PCDH15: variants seen among roughly 807,000 people sequenced by gnomAD.
The protein encoded by PCDH15 is protocadherin-15.
PCDH15 carries 129 observed loss-of-function variants against 178.5 expected under a neutral mutation model. The ratio of observed to expected loss-of-function variants is 0.72; its 90% confidence interval spans 0.63 to 0.84. The LOEUF (loss-of-function observed/expected upper bound fraction) is 0.84, where lower values mean the gene tolerates loss of function less well. Among genes scored for constraint, PCDH15 ranks in the 40% least tolerant of loss-of-function variants. PCDH15 has a pLI of 0.00. For missense variants in PCDH15, 2,230 were observed against 2,099.9 expected (o/e 1.06, Z -1.21); for synonymous variants, 800 against 732.0 (o/e 1.09, Z -1.50).
chr10:53,915,150 A>G (rs558369455), intron 25 of PCDH15, among the ~76,000 whole-genome samples: 1 of 152,322 alleles, frequency 6.6e-6, no homozygotes, highest in East Asian at 1.9e-4. Context: ...TAAGTTATTC[A>G]CTAAAAATAT....
intron 2 of PCDH15, among the ~76,000 whole-genome samples, chr10:54,534,923 T>C (rs1427956887): frequency 6.6e-6 from 1 of 152,144 alleles, no homozygotes; most frequent in East Asian, 1.9e-4. Context: ...ATTTATAAAA[T>C]CAATGGAACA....
chr10:55,019,129 C>T (rs767602698), intron 2 of PCDH15, among the ~76,000 whole-genome samples: 32 of 152,148 alleles, frequency 2.1e-4, no homozygotes, highest in Non-Finnish European at 3.8e-4. Flanking sequence ...ATCACTGACA[C>T]GAAGTCATGA....
chr10:54,193,606 T>C lies in PCDH15; in HGVS notation c.1305+2077A>G, dbSNP rs1199248565. ...TAGGTGTTTTCTAGTGGGGATTCAG[T>C]AGAGACTTTTTTCCTGTGACTCATG... On this transcript the variant is annotated intron_variant, in intron 11 of 37. Transcript: ENST00000644397. Among the ~76,000 whole-genome samples, 4 of 152,206 alleles carry C rather than the reference T, an allele frequency of 2.6e-5. No individual in the cohort carries two copies. In the East Asian group the frequency reaches 5.8e-4, roughly 22 times the overall value.
chr10:54,205,906 C>T (rs2050746276), intron 10 of PCDH15, among the ~76,000 whole-genome samples: 1 of 151,914 alleles, frequency 6.6e-6, no homozygotes, highest in Non-Finnish European at 1.5e-5. Flanking sequence ...GTTTGCAAGG[C>T]TATACAGCAA....
chr10:54,852,129 G>A (rs1281040677), intron 3 of PCDH15, among the ~76,000 whole-genome samples: 1 of 152,052 alleles, frequency 6.6e-6, no homozygotes, highest in East Asian at 1.9e-4. Flanking sequence ...GAGCATCCAA[G>A]GTCTGCAGAC....
intron 5 of PCDH15, among the ~76,000 whole-genome samples, chr10:54,367,014 A>G (rs1946913873): frequency 1.3e-5 from 2 of 152,128 alleles, no homozygotes; most frequent in South Asian, 4.1e-4. Context: ...GTTTGAAGAA[A>G]TTGAAGATCA....
At chr10:55,364,721 A>G (rs1390902614) in intron 2 of PCDH15, among the ~76,000 whole-genome samples, 2 of 151,946 alleles carry the variant, frequency 1.3e-5, no homozygotes, top group Non-Finnish European at 2.9e-5. Context: ...AGACCTTTTG[A>G]TATTGTCCTC....
chr10:55,029,389 ATG>A (rs1840555080), intron 2 of PCDH15, among the ~76,000 whole-genome samples: 2 of 152,068 alleles, frequency 1.3e-5, no homozygotes, highest in African/African-American at 2.4e-5. Context: ...GCTTCAGCAG[ATG>A]TAGTGTGGTG....
intron 27 of PCDH15, among the ~76,000 whole-genome samples, chr10:53,865,583 A>C (rs2079391904): frequency 6.6e-6 from 1 of 152,200 alleles, no homozygotes; most frequent in Non-Finnish European, 1.5e-5. Flanking sequence ...AATTTGATCA[A>C]AAATTTATGT....
intron 2 of PCDH15, among the ~76,000 whole-genome samples, chr10:54,633,782 CT>C (rs2093768265): frequency 6.6e-6 from 1 of 152,102 alleles, no homozygotes; most frequent in African/African-American, 2.4e-5. Context: ...CAACCCAATG[CT>C]AATGAATGTA....
intron 3 of PCDH15, among the ~76,000 whole-genome samples, chr10:54,503,264 T>TGTGTGTGTGAGAGA (rs35648214): frequency 5.0e-4 from 68 of 137,370 alleles, no homozygotes; most frequent in African/African-American, 1.8e-3. Context: ...TGTGTGTGTG[T>TGTGTGTGTGAGAGA]GATTATATAT....
At chr10:54,464,985 C>A (rs921892268) in intron 3 of PCDH15, among the ~76,000 whole-genome samples, 1 of 152,092 alleles carries the variant, frequency 6.6e-6, no homozygotes, top group African/African-American at 2.4e-5. Flanking sequence ...GTAGTTTAAC[C>A]TTTTATGTTT....
At chr10:54,135,408 G>A (rs1169613439) in intron 14 of PCDH15, among the ~76,000 whole-genome samples, 1 of 152,014 alleles carries the variant, frequency 6.6e-6, no homozygotes, top group African/African-American at 2.4e-5. Context: ...ATGAAATGTT[G>A]CTTATATACT....
At chr10:55,571,951 A>G (rs1344258628) in intron 2 of PCDH15, among the ~76,000 whole-genome samples, 1 of 152,104 alleles carries the variant, frequency 6.6e-6, no homozygotes, top group Non-Finnish European at 1.5e-5. Flanking sequence ...TATTTTTTAT[A>G]TGCCACGTGT....
intron 6 of PCDH15, among the ~76,000 whole-genome samples, chr10:54,332,726 G>A (rs866444304): frequency 6.6e-6 from 1 of 151,932 alleles, no homozygotes; most frequent in Non-Finnish European, 1.5e-5. Context: ...ATCCTTAAAT[G>A]TCTAGCTAAG....
At chr10:55,095,173 C>T (rs1842419878) in intron 2 of PCDH15, among the ~76,000 whole-genome samples, 1 of 151,948 alleles carries the variant, frequency 6.6e-6, no homozygotes, top group Admixed American at 6.6e-5. Context: ...AACTCCTGAG[C>T]TTAAGTGATC....
intron 2 of PCDH15, among the ~76,000 whole-genome samples, chr10:55,463,098 GAA>G (rs550045259): frequency 2.1e-5 from 2 of 96,482 alleles, no homozygotes. Context: ...GGATCCAAGA[GAA>G]AAAAAAAAAA....
At chr10:54,421,862 T>TATACACACACAATATATATATATATAC (rs1171038931) in intron 3 of PCDH15, among the ~76,000 whole-genome samples, 1 of 113,976 alleles carries the variant, frequency 8.8e-6, no homozygotes, top group Non-Finnish European at 1.7e-5. Flanking sequence ...TATATATATA[T>TATACACACACAATATATATATATATAC]ACACACACTA....
At chr10:55,442,455 T>TTA (rs5785131) in intron 2 of PCDH15, among the ~76,000 whole-genome samples, 24,864 of 120,420 alleles carry the variant, frequency 0.21, 2,818 homozygotes, top group African/African-American at 0.3. Context: ...CTTAATTTGA[T>TTA]TATATATATA....
Sources: allele counts gnomAD v4.1 joint callset (sites outside exome capture counted in the v4.1 genomes callset), GRCh38; gene constraint gnomAD v4.1.1; transcripts MANE v1.5; gene names NCBI Gene and HGNC (gene_info 2026-07-23, HGNC 2026-07-21).